CEP85L: variants seen among roughly 807,000 people sequenced by gnomAD.
CEP85L encodes centrosomal protein of 85 kDa-like.
CEP85L carries 60 observed loss-of-function variants against 100.3 expected under a neutral mutation model. That is an observed-to-expected ratio of 0.60 (90% CI 0.49 to 0.74). CEP85L has a LOEUF of 0.74. Ranked by LOEUF, CEP85L falls within the 30% of genes least tolerant of loss-of-function variation. The pLI, the probability that CEP85L is intolerant of heterozygous loss-of-function variation, is 0.00. For synonymous variants in CEP85L, 319 were observed against 322.7 expected (o/e 0.99, Z 0.12); for missense variants, 973 against 936.2 (o/e 1.04, Z -0.51).
At chr6:118,527,002 CTTTTTTT>C (rs764883723) in intron 3 of CEP85L, among the ~76,000 whole-genome samples, 1,602 of 98,730 alleles carry the variant, frequency 0.016, 24 homozygotes, top group Non-Finnish European at 0.021. Flanking sequence ...TTTACTTTTT[CTTTTTTT>C]TTTTTTTTTT....
At chr6:118,487,675 C>T (rs147551632) in intron 6 of CEP85L, among the ~76,000 whole-genome samples, 110 of 152,292 alleles carry the variant, frequency 7.2e-4, no homozygotes, top group African/African-American at 2.5e-3. Flanking sequence ...TTTCTGGGTG[C>T]TGTTCAGAAG....
intron 1 of CEP85L, among the ~76,000 whole-genome samples, chr6:118,633,029 G>A (rs543441094): frequency 6.6e-6 from 1 of 151,896 alleles, no homozygotes; most frequent in Non-Finnish European, 1.5e-5. Context: ...ATATAAATAG[G>A]ATATCCACAT....
At chr6:118,646,577 G>A (rs1159174155) in intron 1 of CEP85L, among the ~76,000 whole-genome samples, 10 of 151,840 alleles carry the variant, frequency 6.6e-5, no homozygotes, top group Admixed American at 6.6e-4. Flanking sequence ...GCTGAGGTAG[G>A]AGAATCGCTT....
At chr6:118,624,876 T>C (rs1280199633) in intron 2 of CEP85L, among the ~76,000 whole-genome samples, 1 of 152,214 alleles carries the variant, frequency 6.6e-6, no homozygotes, top group Admixed American at 6.5e-5. Flanking sequence ...TATAAGAAAC[T>C]AGACCTTTCC....
intron 5 of CEP85L, among the ~76,000 whole-genome samples, chr6:118,507,744 C>T (rs966611179): frequency 6.6e-6 from 1 of 152,168 alleles, no homozygotes; most frequent in Non-Finnish European, 1.5e-5. Context: ...TCCTTCACCC[C>T]CTTCACCTGG....
intron 3 of CEP85L, among the ~76,000 whole-genome samples, chr6:118,524,569 T>C (rs1005088101): frequency 1.1e-4 from 16 of 152,260 alleles, no homozygotes; most frequent in Non-Finnish European, 1.0e-4. Context: ...GAATGTGCCA[T>C]GGCTTAACTA....
chr6:118,506,400 C>T (rs1185952528), intron 5 of CEP85L, among the ~76,000 whole-genome samples: 1 of 152,096 alleles, frequency 6.6e-6, no homozygotes, highest in Non-Finnish European at 1.5e-5. Flanking sequence ...TAGGAGGGAG[C>T]ATAACCTGGC....
In CEP85L at chr6:118,465,553, G is replaced by A; in HGVS notation, c.2270C>T (p.Ala757Val). 6.2e-7 allele frequency: 1 copy of A among 1,613,038 alleles called. No individual in the cohort carries two copies. The highest frequency in any genetic ancestry group is 8.5e-7 in the Non-Finnish European group (1 of 1,179,470). Residue 757 changes from alanine (A) to valine (V), a missense_variant, in exon 13 of 13, where the codon GCT (alanine) becomes GTT (valine). Physicochemically the swap from Ala to Val is moderately conservative, Grantham distance 64 (BLOSUM62 0). This residue lies in a region of CEP85L where 890 missense variants were observed against 844.5 expected (regional missense o/e 1.05). Coordinates refer to ENST00000368491, the MANE Select transcript of CEP85L (RefSeq NM_001042475.3). The stretch of plus-strand genomic sequence containing the variant: ...GCTGTGGTCATTCTCAGTCTCTTCA[G>A]CTGAACAGTTCATTGCTGTGTAAAT... ...LLGIRSMNCS[A>V]EETENDHSTE...
chr6:118,596,500 A>T (rs1423903355), intron 2 of CEP85L, among the ~76,000 whole-genome samples: 1 of 152,184 alleles, frequency 6.6e-6, no homozygotes, highest in African/African-American at 2.4e-5. Context: ...ATAAATTAAA[A>T]ATCATGAAAA....
At position 118,709,556 on chromosome 6, in the gene CEP85L, TGA is replaced by T. The variant is rs150548831; in HGVS notation, c.-28+478_-28+479del. Among the ~76,000 whole-genome samples, 172 of 142,274 alleles carry T rather than the reference TGA, an allele frequency of 1.2e-3. 1 individual carries two copies. Among genetic ancestry groups the T allele is most frequent in the Middle Eastern group, 3.5e-3 (1 of 286 alleles). 93.3% of individuals were successfully genotyped at this position (142,274 alleles called of 152,430 possible). On this transcript the variant is annotated intron_variant, in intron 1 of 13. Transcript: ENST00000368488. ...GCGTGTGTGTGTGTGTGTGTGTGTG[TGA>T]GAGAGAGAGAGAGAGAGAGAGAGAG...
upstream of CEP85L, chr6:118,652,300 CTCT>C: frequency 1.4e-6 from 1 of 698,826 alleles, no homozygotes; most frequent in Non-Finnish European, 1.8e-6. Flanking sequence ...CACGTTCTTC[CTCT>C]TCTTGGCCAG....
At chr6:118,526,190 G>C (rs1016123806) in intron 3 of CEP85L, among the ~76,000 whole-genome samples, 4 of 152,228 alleles carry the variant, frequency 2.6e-5, no homozygotes, top group African/African-American at 9.6e-5. Flanking sequence ...AATAAGGGCT[G>C]ATATTCAGCC....
intron 4 of CEP85L, among the ~76,000 whole-genome samples, chr6:118,515,467 C>T (rs1776218252): frequency 6.6e-6 from 1 of 152,126 alleles, no homozygotes; most frequent in Non-Finnish European, 1.5e-5. Flanking sequence ...ACATGAAACA[C>T]TTATTAAAAC....
chr6:118,681,965 C>T (rs1776677450), intron 1 of CEP85L, among the ~76,000 whole-genome samples: 1 of 152,052 alleles, frequency 6.6e-6, no homozygotes, highest in South Asian at 2.1e-4. Context: ...GTCTCAAACT[C>T]CTGACCTCAG....
chr6:118,480,958 C>G (rs1291255158), intron 8 of CEP85L, among the ~76,000 whole-genome samples: 3 of 151,834 alleles, frequency 2.0e-5, no homozygotes, highest in Non-Finnish European at 4.4e-5. Flanking sequence ...GTAAGAATAG[C>G]TGTTGCCTAA....
At chr6:118,554,712 C>T (rs1778750566) in intron 3 of CEP85L, among the ~76,000 whole-genome samples, 2 of 152,140 alleles carry the variant, frequency 1.3e-5, no homozygotes, top group African/African-American at 4.8e-5. Context: ...ACCAATTCCA[C>T]CTTAATAACT....
At chr6:118,495,888 G>C (rs1424274191) in intron 5 of CEP85L, among the ~76,000 whole-genome samples, 1 of 152,222 alleles carries the variant, frequency 6.6e-6, no homozygotes, top group Non-Finnish European at 1.5e-5. Flanking sequence ...GTCTATCAAT[G>C]TTAACAAGGC....
At chr6:118,662,678 T>C (rs1013697057) in intron 1 of CEP85L, among the ~76,000 whole-genome samples, 13 of 152,230 alleles carry the variant, frequency 8.5e-5, no homozygotes, top group Non-Finnish European at 1.6e-4. Flanking sequence ...CTCTAGAATC[T>C]GAGCACTTTA....
intron 1 of CEP85L, among the ~76,000 whole-genome samples, chr6:118,673,420 G>T (rs1450116245): frequency 1.3e-5 from 2 of 152,246 alleles, no homozygotes; most frequent in Admixed American, 1.3e-4. Context: ...GGAAGTCAGA[G>T]AGGGGCAAAT....
Sources: gnomAD v4.1 joint callset for allele counts (sites outside exome capture counted in the v4.1 genomes callset) on GRCh38, gnomAD v4.1.1 for gene constraint, gnomAD v4.1.1 regional missense constraint, MANE v1.5 for transcripts, NCBI Gene and HGNC (gene_info 2026-07-23, HGNC 2026-07-21) for gene names.